PCDHGA6: variants seen among roughly 807,000 people sequenced by gnomAD.
PCDHGA6 encodes protocadherin gamma-A6.
A neutral mutation model predicts 60.6 loss-of-function variants in PCDHGA6; 41 were observed. The ratio of observed to expected loss-of-function variants is 0.68; its 90% CI spans 0.53 to 0.88. The LOEUF is 0.88. PCDHGA6 is among the 40% of genes least tolerant of loss of function. PCDHGA6 has a pLI of 0.00. For synonymous variants in PCDHGA6, 594 were observed against 524.4 expected, an observed-to-expected ratio of 1.13 and a Z score of -1.81; for missense variants, 1,312 against 1,203.0, an observed-to-expected ratio of 1.09 and a Z score of -1.34.
At chr5:141,413,805 C>T (rs772637762) in intron 1 of PCDHGA6, 1 of 1,613,166 alleles carries the variant, frequency 6.2e-7, no homozygotes, top group South Asian at 1.1e-5. Flanking sequence ...AGGAAGAGGC[C>T]ATTCACCACC....
chr5:141,505,434 A>C lies in PCDHGA6; in HGVS notation c.2525A>C (p.Gln842Pro), dbSNP rs1417754900. 1 of 1,614,198 alleles carries C rather than the reference A, an allele frequency of 6.2e-7. No homozygotes were observed. The highest frequency in any genetic ancestry group is 1.7e-5 in the Admixed American group (1 of 60,032). The change falls in exon 3 of 4, where the codon CAG (glutamine) becomes CCG (proline). Residue 842 changes from glutamine (Q) to proline (P), a missense_variant. Gln to Pro is a moderately conservative substitution (Grantham distance 76). Coordinates refer to ENST00000517434, the MANE Select transcript of PCDHGA6 (RefSeq NM_018919.3). ...GACACCGGCACCTGGCCCAACAACCAGTTTGACACAGAGATGCTGCAAGCC... is the reference window on the plus strand; with the variant it reads ...GACACCGGCACCTGGCCCAACAACCCGTTTGACACAGAGATGCTGCAAGCC... ...GDDTGTWPNN[Q>P]FDTEMLQAMI...
chr5:141,490,990 C>A lies in PCDHGA6; in HGVS notation c.2425-3817C>A, dbSNP rs1230384508. On this transcript the variant is annotated intron_variant, in intron 1 of 3. Transcript: ENST00000517434. The surrounding 1 kb of genome is among the most constrained non-coding windows in gnomAD (Gnocchi z 5.4). ...CCCCCAGCGTCTCCCTCGCTCTGCTCCTCCTGGCTCCTTGGTCACCAAGGT... is the reference window on the plus strand; with the variant it reads ...CCCCCAGCGTCTCCCTCGCTCTGCTACTCCTGGCTCCTTGGTCACCAAGGT... The A allele has an allele frequency of 6.2e-7, 1 of 1,614,102 alleles. No homozygotes were observed. The highest frequency in any genetic ancestry group is 8.5e-7 in the Non-Finnish European group (1 of 1,180,022).
chr5:141,470,021 C>T (rs111919483), intron 1 of PCDHGA6, among the ~76,000 whole-genome samples: 8 of 152,156 alleles, frequency 5.3e-5, no homozygotes, highest in African/African-American at 1.9e-4. Flanking sequence ...CCCAGCTACT[C>T]GGGATGCTGA....
At chr5:141,427,509 G>T in intron 1 of PCDHGA6, 1 of 588,640 alleles carries the variant, frequency 1.7e-6, no homozygotes, top group Non-Finnish European at 3.2e-6. Flanking sequence ...TGGGACCCTG[G>T]ATTGGGAGCG....
At chr5:141,480,859 A>G (rs1197372110) in intron 1 of PCDHGA6, among the ~76,000 whole-genome samples, 2 of 152,178 alleles carry the variant, frequency 1.3e-5, no homozygotes, top group Non-Finnish European at 2.9e-5. Context: ...AGCCTGGCCA[A>G]TATGGTGAAA....
Position 141,511,256 on chromosome 5 carries a change from TTCAGGGC to T in PCDHGA6, c.*85_*91del. 6.4e-7 allele frequency: 1 copy of T among 1,563,506 alleles called. No individual in the cohort carries two copies. Among genetic ancestry groups the T allele is most frequent in the Non-Finnish European group, 8.7e-7 (1 of 1,154,422 alleles). The stretch of plus-strand genomic sequence containing the variant: ...CTTACCTGCACCCAGGCCTCAGAGT[TTCAGGGC>T]TAACCCCCAGAATACTGGTAGGGGC... On this transcript the variant is annotated 3_prime_UTR_variant, in exon 4 of 4. Coordinates refer to ENST00000517434, the MANE Select transcript of PCDHGA6 (RefSeq NM_018919.3).
intron 1 of PCDHGA6, chr5:141,417,894 G>A (rs751319373): frequency 1.3e-5 from 21 of 1,573,688 alleles, no homozygotes; most frequent in African/African-American, 2.7e-5. Context: ...CGCCGGGCCG[G>A]CCCGCGGCAG....
intron 1 of PCDHGA6, among the ~76,000 whole-genome samples, chr5:141,457,931 T>G (rs1335457669): frequency 6.6e-6 from 1 of 152,184 alleles, no homozygotes; most frequent in Non-Finnish European, 1.5e-5. Context: ...CCAAGGGGCT[T>G]TTATTGGCTC....
chr5:141,413,665 C>T (rs770111467), intron 1 of PCDHGA6: 1 of 1,613,726 alleles, frequency 6.2e-7, no homozygotes, highest in East Asian at 2.2e-5. Flanking sequence ...AGCTATTGAT[C>T]CGGATGTGGG....
chr5:141,409,443 A>C (rs1276603306), intron 1 of PCDHGA6: 1 of 1,614,014 alleles, frequency 6.2e-7, no homozygotes, highest in East Asian at 2.2e-5. Context: ...GACCGAGAGC[A>C]GACACCAGAA....
intron 1 of PCDHGA6, chr5:141,427,942 T>C (rs1561832592): frequency 6.3e-7 from 1 of 1,586,106 alleles, no homozygotes; most frequent in Non-Finnish European, 8.6e-7. Context: ...GTGGGCGACC[T>C]CAATGACAAT....
intron 1 of PCDHGA6, among the ~76,000 whole-genome samples, chr5:141,462,736 T>C (rs2099045667): frequency 6.6e-6 from 1 of 152,274 alleles, no homozygotes; most frequent in South Asian, 2.1e-4. Flanking sequence ...TTGTCACCTC[T>C]GTAATTCCTA....
intron 1 of PCDHGA6, chr5:141,388,909 C>A: frequency 1.2e-6 from 2 of 1,613,902 alleles, no homozygotes; most frequent in South Asian, 1.1e-5. Context: ...AATGACAACG[C>A]CCCAGAAGTG....
At chr5:141,500,355 C>G (rs539892249) in intron 2 of PCDHGA6, among the ~76,000 whole-genome samples, 2 of 151,912 alleles carry the variant, frequency 1.3e-5, no homozygotes, top group Non-Finnish European at 2.9e-5. Flanking sequence ...ACTACAGGCG[C>G]CCACTACCAC....
At chr5:141,448,692 G>A (rs913533738) in intron 1 of PCDHGA6, among the ~76,000 whole-genome samples, 6 of 152,072 alleles carry the variant, frequency 3.9e-5, no homozygotes, top group African/African-American at 9.7e-5. Context: ...TGTAATCGCA[G>A]CACTTTGGGA....
In PCDHGA6 at chr5:141,393,272, A is replaced by C. The variant is rs781226042; in HGVS notation, c.2424+16765A>C. The stretch of plus-strand genomic sequence containing the variant: ...TCGCGGTTCCTGGAGCACGTTATCC[A>C]CTCCCAGAAGCTGTTGACCCGGATG... On this transcript the variant is annotated intron_variant, in intron 1 of 3. Coordinates refer to ENST00000517434, the MANE Select transcript of PCDHGA6 (RefSeq NM_018919.3). The C allele has an allele frequency of 2.5e-6, 4 of 1,613,774 alleles. No homozygotes were observed. The Admixed American group carries it at 6.7e-5, about 27-fold the overall frequency.
chr5:141,450,010 T>A (rs2098664468), intron 1 of PCDHGA6, among the ~76,000 whole-genome samples: 1 of 135,330 alleles, frequency 7.4e-6, no homozygotes, highest in African/African-American at 3.3e-5. Flanking sequence ...ATGTCTCTTT[T>A]TTTTTTTTTT....
In PCDHGA6 at chr5:141,418,992, A is replaced by G. The variant is rs554523363; in HGVS notation, c.2424+42485A>G. 28 of 1,613,802 alleles carry G rather than the reference A, an allele frequency of 1.7e-5. No individual in the cohort carries two copies. The African/African-American group carries it at 2.7e-4, about 15-fold the overall frequency. On this transcript the variant is annotated intron_variant, in intron 1 of 3. Coordinates refer to ENST00000517434, the MANE Select transcript of PCDHGA6 (RefSeq NM_018919.3). Reference sequence around the variant, plus strand: ...AAAACACGGGACCAAGACTCAGGGGAAAATGGGGAAGTCAGGTGTAGCTTA... The same window carrying G: ...AAAACACGGGACCAAGACTCAGGGGGAAATGGGGAAGTCAGGTGTAGCTTA...
intron 1 of PCDHGA6, chr5:141,471,339 C>G (rs537413312): frequency 2.6e-5 from 4 of 152,366 alleles, no homozygotes; most frequent in Admixed American, 2.6e-4. Context: ...GTATGATCCA[C>G]TGCGCCCGGC....
Sources: gnomAD v4.1 joint callset for allele counts (sites outside exome capture counted in the v4.1 genomes callset) on GRCh38, gnomAD v4.1.1 for gene constraint, Gnocchi (gnomAD v3.1) non-coding constraint, MANE v1.5 for transcripts, NCBI Gene and HGNC (gene_info 2026-07-23, HGNC 2026-07-21) for gene names.